The following GLE1 variants were observed in gnomAD, a reference collection of about 807,000 sequenced individuals.
GLE1 encodes the protein GLE1 RNA export mediator.
GLE1 carries 78 observed loss-of-function variants against 97.3 expected under a neutral mutation model. That is an observed-to-expected ratio of 0.80 (90% CI 0.67 to 0.97). GLE1 has a LOEUF of 0.97. Ranked by LOEUF, GLE1 falls within the 50% of genes least tolerant of loss-of-function variation. The pLI, the probability that GLE1 is intolerant of heterozygous loss-of-function variation, is 0.00. For synonymous variants in GLE1, 302 were observed against 313.4 expected, an observed-to-expected ratio of 0.96 and a Z score of 0.39; for missense variants, 753 against 857.5, an observed-to-expected ratio of 0.88 and a Z score of 1.52.
At chr9:128,515,410 TC>T in intron 2 of GLE1, 118 bp from the exon 3 acceptor site, 1 of 673,808 alleles carries the variant, frequency 1.5e-6, no homozygotes, top group African/African-American at 1.8e-5. Flanking sequence ...TTTTTTTTGC[TC>T]TTGTTATTGG....
intron 1 of GLE1, among the ~76,000 whole-genome samples, chr9:128,506,557 C>T (rs921553160): frequency 2.6e-5 from 4 of 152,136 alleles, no homozygotes; most frequent in African/African-American, 9.7e-5. Flanking sequence ...CTGGAATCAG[C>T]TATTTCTCCA....
At chr9:128,540,570 T>C (rs1847856400) in intron 15 of GLE1, 2 of 550,060 alleles carry the variant, frequency 3.6e-6, no homozygotes, top group Non-Finnish European at 6.5e-6. Flanking sequence ...CTGAGATGAG[T>C]AAAATATATT....
rs371158705 is a variant in GLE1, at chr9:128,527,309, G to A, written c.1242+18G>A. ...ACAGTCAGGTAGGGGAGAGGTATAT[G>A]GCAGTAATTTTGTGGACTTGATGGT... On this transcript the variant is annotated intron_variant, in intron 8 of 15. Transcript: ENST00000309971. The A allele has an allele frequency of 1.4e-6, 2 of 1,459,138 alleles. No individual in the cohort carries two copies. Among genetic ancestry groups the A allele is most frequent in the Non-Finnish European group, 1.9e-6 (2 of 1,038,352 alleles). The allele number at this position is 1,459,138 out of a possible 1,614,324, so 90.4% of individuals were successfully genotyped here.
intron 3 of GLE1, among the ~76,000 whole-genome samples, chr9:128,521,941 G>C (rs1445205821): frequency 6.6e-6 from 1 of 152,166 alleles, no homozygotes; most frequent in Non-Finnish European, 1.5e-5. Flanking sequence ...TAGGTACTAA[G>C]GAAAAGGACT....
intron 2 of GLE1, among the ~76,000 whole-genome samples, chr9:128,513,691 AGAGT>A (rs1158504236): frequency 6.6e-6 from 1 of 150,892 alleles, no homozygotes; most frequent in Non-Finnish European, 1.5e-5. Flanking sequence ...CACGGGTGAT[AGAGT>A]AAGACCCTGT....
chr9:128,538,609 C>T (rs1342916474), intron 13 of GLE1, among the ~76,000 whole-genome samples: 2 of 152,174 alleles, frequency 1.3e-5, no homozygotes, highest in African/African-American at 4.8e-5. Flanking sequence ...CGAGCCTGTC[C>T]AACATGGTGA....
chr9:128,529,947 T>A (rs1847438100), intron 9 of GLE1, among the ~76,000 whole-genome samples: 1 of 152,034 alleles, frequency 6.6e-6, no homozygotes, highest in East Asian at 1.9e-4. Flanking sequence ...CGGCTAATTT[T>A]TTGTATTTTT....
chr9:128,516,615 G>A (rs546559898), intron 3 of GLE1, among the ~76,000 whole-genome samples: 5 of 147,426 alleles, frequency 3.4e-5, no homozygotes, highest in African/African-American at 5.0e-5. Flanking sequence ...CACCGTGCCC[G>A]GCCTGTTTTT....
At chr9:128,509,144 T>G in intron 2 of GLE1, 47 bp downstream of exon 2, 1 of 1,093,792 alleles carries the variant, frequency 9.1e-7, no homozygotes, top group Non-Finnish European at 1.4e-6. Context: ...GGCTGCAAAG[T>G]CAAAATGTTT....
chr9:128,529,673 C>T (rs751650839), intron 9 of GLE1, among the ~76,000 whole-genome samples: 16 of 151,962 alleles, frequency 1.1e-4, no homozygotes, highest in Non-Finnish European at 1.9e-4. Flanking sequence ...CTCCTCCCTC[C>T]CTCACTACCC....
intron 1 of GLE1, among the ~76,000 whole-genome samples, chr9:128,507,327 A>G (rs905622165): frequency 1.3e-5 from 2 of 152,084 alleles, no homozygotes; most frequent in South Asian, 4.1e-4. Flanking sequence ...CACACCTGCA[A>G]TCCCAGCACT....
chr9:128,536,604 T>C (rs1847719287), intron 12 of GLE1, 120 bp downstream of exon 12: 6 of 881,110 alleles, frequency 6.8e-6, no homozygotes, highest in East Asian at 2.6e-5. Context: ...ATAAACTATA[T>C]GGCAGTTTCA....
intron 11 of GLE1, among the ~76,000 whole-genome samples, chr9:128,535,770 G>C (rs1192968212): frequency 6.6e-6 from 1 of 151,790 alleles, no homozygotes. Context: ...GCCTGAGATC[G>C]TGCTATTGCT....
At position 128,519,199 on chromosome 9, in the gene GLE1, G is replaced by T. The variant is rs552313840; in HGVS notation, c.433-3469G>T. Among the ~76,000 whole-genome samples the T allele has an allele frequency of 2.0e-5, 3 of 152,234 alleles. No homozygotes were observed. In the East Asian group the frequency reaches 5.8e-4, roughly 29 times the overall value. ...TTGCATTAACTGCACAAATTGTAGA[G>T]CATGTGTGTTTGAACAATATGAAAT... On this transcript the variant is annotated intron_variant, in intron 3 of 15. Coordinates refer to ENST00000309971, the MANE Select transcript of GLE1 (RefSeq NM_001003722.2).
intron 12 of GLE1, chr9:128,536,876 C>T (rs556966657): frequency 4.4e-4 from 93 of 211,176 alleles, no homozygotes; most frequent in African/African-American, 2.0e-3. Flanking sequence ...AGCTGGGGTT[C>T]AGGGCTTTGA....
intron 2 of GLE1, among the ~76,000 whole-genome samples, chr9:128,512,077 T>C (rs1156770270): frequency 6.6e-6 from 1 of 152,232 alleles, no homozygotes; most frequent in Non-Finnish European, 1.5e-5. Flanking sequence ...CCCAAAGTTC[T>C]GGGATTACAG....
intron 11 of GLE1, 135 bp downstream of exon 11, chr9:128,534,086 G>A (rs578012595): frequency 3.2e-5 from 24 of 745,288 alleles, no homozygotes; most frequent in Non-Finnish European, 5.0e-5. Context: ...AATGTCTTTC[G>A]GCCGGGTGCA....
intron 2 of GLE1, among the ~76,000 whole-genome samples, chr9:128,510,111 G>A (rs1846761564): frequency 6.6e-6 from 1 of 151,940 alleles, no homozygotes; most frequent in Non-Finnish European, 1.5e-5. Context: ...AGGATGGAGT[G>A]CAGTGGCATG....
chr9:128,539,950 A>T, intron 14 of GLE1: 1 of 1,015,898 alleles, frequency 9.8e-7, no homozygotes, highest in Non-Finnish European at 1.4e-6. Context: ...GCTTATGCCT[A>T]TAATTATGCC....
Sources: allele counts gnomAD v4.1 joint callset (sites outside exome capture counted in the v4.1 genomes callset), GRCh38; gene constraint gnomAD v4.1.1; transcripts MANE v1.5; gene names NCBI Gene and HGNC (gene_info 2026-07-23, HGNC 2026-07-21).